Variants in PCDH11Y observed in about 807,000 individuals in gnomAD.
PCDH11Y encodes the protein protocadherin-11 Y-linked.
For missense variants in PCDH11Y, 12 were observed against 224.8 expected (o/e 0.05, Z 6.05); for synonymous variants, 9 against 83.6 (o/e 0.11, Z 4.87).
intron 2 of PCDH11Y, among the ~76,000 whole-genome samples, chrY:5,343,156 G>C (rs2053147208): frequency 3.1e-5 from 1 of 32,110 alleles, no homozygotes; most frequent in Admixed American, 2.9e-4. Flanking sequence ...CAAATTAATA[G>C]TTCTATTAGT....
intron 2 of PCDH11Y, among the ~76,000 whole-genome samples, chrY:5,296,761 G>A (rs1602900580): frequency 2.9e-4 from 9 of 31,323 alleles, no homozygotes; most frequent in African/African-American, 1.1e-3. Flanking sequence ...CACCCTTTAT[G>A]GCAATGGACT....
rs1602882672 is a variant in PCDH11Y, at chrY:5,187,876, T to G, written c.3129+87169T>G. Among the ~76,000 whole-genome samples the G allele has an allele frequency of 1.2e-3, 40 of 33,554 alleles. No homozygotes were observed. The South Asian group carries it at 0.027, about 23-fold the overall frequency. The allele number at this position is 33,554 out of a possible 37,273, so 90.0% of individuals were successfully genotyped here. On this transcript the variant is annotated intron_variant, in intron 2 of 4. Coordinates refer to the PCDH11Y transcript ENST00000400457. ...GAACTTTTATGTTTTGCTTCCCTTT[T>G]CAACATAAGTTCCAATTCCAAACCA... is the stretch of plus-strand genomic sequence containing the variant.
At chrY:5,047,271 A>T (rs2124626331) in intron 3 of PCDH11Y, among the ~76,000 whole-genome samples, 1 of 33,120 alleles carries the variant, frequency 3.0e-5, no homozygotes, top group South Asian at 6.8e-4. Context: ...GATTCATAAT[A>T]TAAAATATTA....
At chrY:5,336,037 T>C in intron 2 of PCDH11Y, among the ~76,000 whole-genome samples, 1 of 32,687 alleles carries the variant, frequency 3.1e-5, no homozygotes, top group Non-Finnish European at 7.4e-5. Flanking sequence ...AGGTAGAATG[T>C]AAAAAGGAAA....
intron 4 of PCDH11Y, among the ~76,000 whole-genome samples, chrY:5,621,110 T>G: frequency 6.2e-5 from 2 of 32,480 alleles, no homozygotes; most frequent in South Asian, 1.4e-3. Context: ...AAATTATCTT[T>G]GTTTGCAGAT....
Position 5,337,863 on chromosome Y carries a change from G to A in PCDH11Y, c.3130-163194G>A, listed in dbSNP as rs1045376982. ...ACCATGTTAATAGCCACACCTTTAC[G>A]GCCAAACCGTCCACCTCGACTGATT... On this transcript the variant is annotated intron_variant, in intron 2 of 4. Coordinates refer to the PCDH11Y transcript ENST00000400457. The A allele has an allele frequency of 7.7e-6, 3 of 392,044 alleles. No homozygotes were observed. The African/African-American group carries it at 1.9e-4, about 25-fold the overall frequency.
intron 2 of PCDH11Y, among the ~76,000 whole-genome samples, chrY:5,376,903 G>A (rs2053198271): frequency 1.3e-4 from 3 of 22,766 alleles, no homozygotes; most frequent in African/African-American, 5.1e-4. Context: ...TTAAGGATAA[G>A]ATACTATAGT....
At chrY:5,149,569 CACAA>C (rs2052861637) in intron 2 of PCDH11Y, among the ~76,000 whole-genome samples, 1 of 12,776 alleles carries the variant, frequency 7.8e-5, no homozygotes, top group Non-Finnish European at 1.2e-4. Context: ...TATACACACA[CACAA>C]ACACACACAC....
At chrY:5,661,377 A>G (rs2124707296) in intron 4 of PCDH11Y, among the ~76,000 whole-genome samples, 1 of 33,568 alleles carries the variant, frequency 3.0e-5, no homozygotes, top group South Asian at 6.5e-4. Flanking sequence ...ATTTCACTTA[A>G]AAATTATTGA....
At chrY:5,188,834 A>G in intron 2 of PCDH11Y, among the ~76,000 whole-genome samples, 2 of 34,632 alleles carry the variant, frequency 5.8e-5, no homozygotes, top group Non-Finnish European at 1.5e-4. Flanking sequence ...ACATTAATAA[A>G]TAGATATCCT....
intron 2 of PCDH11Y, among the ~76,000 whole-genome samples, chrY:5,142,306 T>A: frequency 3.0e-5 from 1 of 33,009 alleles, no homozygotes; most frequent in Non-Finnish European, 7.5e-5. Context: ...AAAAAAAATT[T>A]ATGAGCACAT....
intron 2 of PCDH11Y, among the ~76,000 whole-genome samples, chrY:5,167,588 T>C (rs2052881391): frequency 8.3e-5 from 2 of 24,215 alleles, no homozygotes; most frequent in African/African-American, 1.8e-4. Context: ...CAGTGCTTAA[T>C]AACAGACTTA....
intron 3 of PCDH11Y, among the ~76,000 whole-genome samples, chrY:5,519,523 T>G: frequency 3.1e-5 from 1 of 32,733 alleles, no homozygotes; most frequent in Non-Finnish European, 7.5e-5. Flanking sequence ...GTTGATGTCT[T>G]GTTTTGTTTT....
chrY:5,242,732 C>T (rs2124655675), intron 2 of PCDH11Y, among the ~76,000 whole-genome samples: 4 of 31,832 alleles, frequency 1.3e-4, no homozygotes, highest in African/African-American at 2.5e-4. Flanking sequence ...TTATCTGAAA[C>T]CATTATGTAT....
chrY:5,289,009 C>T (rs2053063856), intron 2 of PCDH11Y, among the ~76,000 whole-genome samples: 1 of 32,749 alleles, frequency 3.1e-5, no homozygotes, highest in African/African-American at 1.2e-4. Context: ...TACAGTTCAA[C>T]ATGTTCAGAA....
At chrY:5,382,970 G>C (rs2053206656) in intron 2 of PCDH11Y, among the ~76,000 whole-genome samples, 1 of 32,868 alleles carries the variant, frequency 3.0e-5, no homozygotes, top group South Asian at 6.8e-4. Context: ...GGGGGGCTGA[G>C]GTGGGTGGAT....
chrY:5,170,616 TGC>T (rs2052885554), intron 2 of PCDH11Y, among the ~76,000 whole-genome samples: 4 of 29,077 alleles, frequency 1.4e-4, no homozygotes, highest in Non-Finnish European at 3.3e-4. Context: ...TTCATATTCA[TGC>T]TGAGACTAGA....
intron 4 of PCDH11Y, among the ~76,000 whole-genome samples, chrY:5,672,477 A>C: frequency 9.9e-5 from 3 of 30,436 alleles, no homozygotes; most frequent in African/African-American, 3.8e-4. Context: ...TTCAGGTTTC[A>C]GAGTACTTCC....
At chrY:5,471,302 T>C (rs1602930281) in intron 2 of PCDH11Y, among the ~76,000 whole-genome samples, 8 of 32,189 alleles carry the variant, frequency 2.5e-4, no homozygotes, top group Admixed American at 1.1e-3. Context: ...TCATATAAGA[T>C]AGAATACTAT....
Sources: gnomAD v4.1 joint callset for allele counts (sites outside exome capture counted in the v4.1 genomes callset) on GRCh38, gnomAD v4.1.1 for gene constraint, MANE v1.5 for transcripts, NCBI Gene and HGNC (gene_info 2026-07-23, HGNC 2026-07-21) for gene names.